GXYLT1: variants seen among roughly 807,000 people sequenced by gnomAD.
The protein encoded by GXYLT1 is glycosyltransferase 8 domain containing 3.
Under a neutral mutation model 54.0 loss-of-function variants are expected in GXYLT1, and 29 were observed. The observed-to-expected ratio is 0.54, with a 90% CI of 0.40 to 0.73. The LOEUF (loss-of-function observed/expected upper bound fraction) is 0.73. GXYLT1 is among the 30% of genes least tolerant of loss of function. The pLI is 0.00. For missense variants in GXYLT1, 490 were observed against 553.4 expected (o/e 0.89, Z 1.15); for synonymous variants, 176 against 204.1 (o/e 0.86, Z 1.17).
intron 3 of GXYLT1, among the ~76,000 whole-genome samples, chr12:42,116,905 T>A (rs2065499110): frequency 1.3e-5 from 2 of 152,230 alleles, no homozygotes; most frequent in Admixed American, 6.5e-5. Flanking sequence ...TAGACTGGAT[T>A]AAGAAAATGT....
At chr12:42,144,346 G>C in intron 1 of GXYLT1, 80 bp downstream of exon 1, 1 of 915,562 alleles carries the variant, frequency 1.1e-6, no homozygotes, top group Non-Finnish European at 1.5e-6. Flanking sequence ...GGCACCCACC[G>C]GCGAGCAGCC....
chr12:42,087,668 A>G lies in GXYLT1; in HGVS notation c.*118T>C. ...ACTGCTTACTTAACTTCTTTAGGAA[A>G]AAAAAAATTATTCTGGAGATGAGTA... On this transcript the variant is annotated 3_prime_UTR_variant, in exon 8 of 8. Coordinates refer to ENST00000398675, the MANE Select transcript of GXYLT1 (RefSeq NM_173601.2). 1 of 735,570 alleles carries G rather than the reference A, an allele frequency of 1.4e-6. No individual in the cohort carries two copies. Among genetic ancestry groups the G allele is most frequent in the Non-Finnish European group, 2.1e-6 (1 of 472,890 alleles). The allele number at this position is 735,570 out of a possible 1,614,324, so 45.6% of individuals were successfully genotyped here.
rs1033003331 is a variant in GXYLT1, at chr12:42,144,487, G to C, written c.160C>G (p.Arg54Gly). 95 of 1,342,160 alleles carry C rather than the reference G, an allele frequency of 7.1e-5. No homozygotes were observed. Among genetic ancestry groups the C allele is most frequent in the Non-Finnish European group, 8.8e-5 (91 of 1,038,688 alleles). 83.1% of individuals were successfully genotyped at this position (1,342,160 alleles called of 1,614,324 possible). A position where few individuals can be genotyped will look rare whatever the true frequency, so the allele number is the denominator to read the frequency against. The change falls in exon 1 of 8, where the codon CGC becomes GGC. Residue 54 changes from arginine (R) to glycine (G), a missense_variant. Arg to Gly is a moderately radical substitution (Grantham distance 125). Transcript: ENST00000398675. ...AVASWLAGGG[R>G]GAVRGAGVAG... The stretch of plus-strand genomic sequence containing the variant: ...ACGCCGGCGCCTCTCACGGCGCCGC[G>C]TCCGCCGCCCGCGAGCCAGGAAGCC...
chr12:42,089,888 A>T lies in GXYLT1; in HGVS notation c.1162-1941T>A, dbSNP rs140935017. Among the ~76,000 whole-genome samples the T allele has an allele frequency of 2.9e-3, 435 of 152,310 alleles. 2 individuals are homozygous for T. The highest frequency in any genetic ancestry group is 9.3e-3 in the African/African-American group (388 of 41,568). On this transcript the variant is annotated intron_variant, in intron 7 of 7. Transcript: ENST00000398675. The stretch of plus-strand genomic sequence containing the variant: ...AGTGATACTTTCAAGAAATATTTCA[A>T]TGTGCACAAAAAACACTTGAACAAC...
chr12:42,118,168 T>G (rs547413347), intron 3 of GXYLT1, among the ~76,000 whole-genome samples: 1 of 152,252 alleles, frequency 6.6e-6, no homozygotes, highest in East Asian at 1.9e-4. Context: ...CTGCCACTGC[T>G]GCCAAATTGA....
intron 2 of GXYLT1, among the ~76,000 whole-genome samples, chr12:42,123,509 A>T (rs2136909810): frequency 1.3e-5 from 2 of 152,242 alleles, no homozygotes; most frequent in South Asian, 4.1e-4. Context: ...GGTTTATCAT[A>T]AAAAAAGAAT....
Position 42,144,779 on chromosome 12 carries a change from G to C in GXYLT1, c.-133C>G, listed in dbSNP as rs934488244. 10 of 577,030 alleles carry C rather than the reference G, an allele frequency of 1.7e-5. No homozygotes were observed. In the African/African-American group the frequency reaches 1.8e-4, roughly 10 times the overall value. The allele number at this position is 577,030 out of a possible 1,614,324, so 35.7% of individuals were successfully genotyped here. ...CAGCCGCCGCCGCCGCCTTGCGCCC[G>C]CTCCCTTCCTTCCCTCCCCGCCCAC... On this transcript the variant is annotated 5_prime_UTR_variant, in exon 1 of 8. Coordinates refer to ENST00000398675, the MANE Select transcript of GXYLT1 (RefSeq NM_173601.2).
chr12:42,096,258 C>T (rs2065354968), intron 7 of GXYLT1, among the ~76,000 whole-genome samples: 1 of 152,096 alleles, frequency 6.6e-6, no homozygotes, highest in South Asian at 2.1e-4. Context: ...ATATCCAGAG[C>T]CTACTAAAGG....
intron 3 of GXYLT1, among the ~76,000 whole-genome samples, chr12:42,113,775 G>C (rs61520073): frequency 6.6e-6 from 1 of 150,608 alleles, no homozygotes; most frequent in African/African-American, 2.5e-5. Flanking sequence ...TGCACCAAGC[G>C]GACCTAATAG....
intron 2 of GXYLT1, among the ~76,000 whole-genome samples, chr12:42,121,880 T>C (rs1233567187): frequency 1.3e-5 from 2 of 152,024 alleles, no homozygotes; most frequent in Admixed American, 6.6e-5. Context: ...GGTTAAAAGA[T>C]GTCTCTGACA....
chr12:42,115,123 A>T (rs573000746), intron 3 of GXYLT1, among the ~76,000 whole-genome samples: 4 of 152,212 alleles, frequency 2.6e-5, no homozygotes, highest in Non-Finnish European at 4.4e-5. Context: ...TATTGATGGG[A>T]CGTATCTCAA....
At position 42,121,104 on chromosome 12, in the gene GXYLT1, G is replaced by C. The variant is rs1417896584; in HGVS notation, c.315-1933C>G. 4.6e-5 allele frequency among the ~76,000 whole-genome samples: 7 copies of C among 152,262 alleles called. No homozygotes were observed. In the South Asian group the frequency reaches 1.0e-3, roughly 23 times the overall value. ...CAATCAAGACATGACAATTTTTAGA[G>C]AATTCTAAATTACCTCATCTTTCCA... On this transcript the variant is annotated intron_variant, in intron 2 of 7. Coordinates refer to ENST00000398675, the MANE Select transcript of GXYLT1 (RefSeq NM_173601.2).
intron 1 of GXYLT1, among the ~76,000 whole-genome samples, chr12:42,138,299 A>AAATG (rs1414460472): frequency 6.6e-6 from 1 of 151,514 alleles, no homozygotes; most frequent in Non-Finnish European, 1.5e-5. Context: ...ATAAATAAAT[A>AAATG]AACAAACAAA....
At position 42,087,771 on chromosome 12, in the gene GXYLT1, A is replaced by G. The variant is rs1418033913; in HGVS notation, c.*15T>C. 6.4e-7 allele frequency: 1 copy of G among 1,555,310 alleles called. No individual in the cohort carries two copies. On this transcript the variant is annotated 3_prime_UTR_variant, in exon 8 of 8. Coordinates refer to ENST00000398675, the MANE Select transcript of GXYLT1 (RefSeq NM_173601.2). ...TTCTTTGTTTTCATCCATTTGATTA[A>G]GCAGTCACCAAGAATCACTTTTCCT...
At chr12:42,112,934 C>T (rs1038660715) in intron 3 of GXYLT1, among the ~76,000 whole-genome samples, 2 of 151,210 alleles carry the variant, frequency 1.3e-5, no homozygotes, top group African/African-American at 2.5e-5. Context: ...GCGGATCTCT[C>T]GGCAGAAACT....
intron 1 of GXYLT1, among the ~76,000 whole-genome samples, chr12:42,137,179 C>T (rs543429277): frequency 3.9e-4 from 59 of 152,214 alleles, no homozygotes; most frequent in African/African-American, 1.1e-3. Context: ...ACGAGATGAG[C>T]CTGACCAACA....
Position 42,144,676 on chromosome 12 carries a change from G to C in GXYLT1, c.-30C>G. ...CCGGCCGCGCTCCTCCTTCGCCGCC[G>C]CCGCCGCGCCCGCCCCGACGAACTG... On this transcript the variant is annotated 5_prime_UTR_variant, in exon 1 of 8. Coordinates refer to ENST00000398675, the MANE Select transcript of GXYLT1 (RefSeq NM_173601.2). 1 of 1,380,872 alleles carries C rather than the reference G, an allele frequency of 7.2e-7. No individual in the cohort carries two copies. The highest frequency in any genetic ancestry group is 9.5e-7 in the Non-Finnish European group (1 of 1,057,992). The allele number at this position is 1,380,872 out of a possible 1,614,324, so 85.5% of individuals were successfully genotyped here.
At chr12:42,137,027 C>T (rs979341531) in intron 1 of GXYLT1, among the ~76,000 whole-genome samples, 3 of 152,140 alleles carry the variant, frequency 2.0e-5, no homozygotes, top group East Asian at 3.9e-4. Flanking sequence ...CCACCTTTGC[C>T]TCCCTGCTAG....
chr12:42,105,443 C>T (rs1164354564), intron 5 of GXYLT1, among the ~76,000 whole-genome samples: 4 of 152,170 alleles, frequency 2.6e-5, no homozygotes, highest in Non-Finnish European at 5.9e-5. Flanking sequence ...AGAGTCTATG[C>T]TCTTAACTGC....
Sources: gnomAD v4.1 joint callset for allele counts (sites outside exome capture counted in the v4.1 genomes callset) on GRCh38, gnomAD v4.1.1 for gene constraint, MANE v1.5 for transcripts, NCBI Gene and HGNC (gene_info 2026-07-23, HGNC 2026-07-21) for gene names.